Variants in TMEM135 observed in about 807,000 individuals in gnomAD.
The protein encoded by TMEM135 is transmembrane protein 135.
In TMEM135, 30 loss-of-function variants were observed where a neutral mutation model predicts 60.3. The observed-to-expected ratio is 0.50, with a 90% CI of 0.37 to 0.68. The LOEUF is 0.68. Ranked by LOEUF, TMEM135 falls within the 30% of genes least tolerant of loss-of-function variation. The pLI is 0.00. For missense variants in TMEM135, 468 were observed against 548.8 expected (o/e 0.85, Z 1.47); for synonymous variants, 190 against 186.7 (o/e 1.02, Z -0.14).
chr11:87,228,492 T>C (rs1940815173), intron 5 of TMEM135, among the ~76,000 whole-genome samples: 1 of 152,124 alleles, frequency 6.6e-6, no homozygotes, highest in African/African-American at 2.4e-5. Context: ...ATTGCTCTTC[T>C]TGAGAAGAGC....
intron 6 of TMEM135, among the ~76,000 whole-genome samples, chr11:87,287,489 C>T (rs563666577): frequency 3.3e-5 from 5 of 152,156 alleles, no homozygotes; most frequent in Admixed American, 2.6e-4. Flanking sequence ...CCATCCTGGT[C>T]AACATGGTGA....
chr11:87,110,826 T>A (rs1001152892), intron 4 of TMEM135, among the ~76,000 whole-genome samples: 1 of 152,078 alleles, frequency 6.6e-6, no homozygotes, highest in African/African-American at 2.4e-5. Flanking sequence ...AATAAAAAAT[T>A]GCATACTTTT....
At chr11:87,257,429 C>T (rs1941548740) in intron 6 of TMEM135, among the ~76,000 whole-genome samples, 2 of 149,450 alleles carry the variant, frequency 1.3e-5, no homozygotes, top group African/African-American at 4.9e-5. Context: ...TGGGGTTCAG[C>T]TGTGTTGGTT....
At chr11:87,120,978 G>A (rs1394908523) in intron 4 of TMEM135, 2 of 152,166 alleles carry the variant, frequency 1.3e-5, no homozygotes, top group Non-Finnish European at 1.5e-5. Flanking sequence ...GATGAATTGA[G>A]AAGCTCAAGG....
At chr11:87,064,990 A>T (rs941594960) in intron 1 of TMEM135, among the ~76,000 whole-genome samples, 2 of 152,118 alleles carry the variant, frequency 1.3e-5, no homozygotes, top group Admixed American at 6.5e-5. Context: ...TTCTGTGGAA[A>T]TTCATCAAGG....
chr11:87,081,742 G>C (rs1005009540), intron 3 of TMEM135, among the ~76,000 whole-genome samples: 1 of 150,878 alleles, frequency 6.6e-6, no homozygotes, highest in Non-Finnish European at 1.5e-5. Flanking sequence ...TTTTGCACTA[G>C]TGTTTCATTC....
At position 87,126,409 on chromosome 11, in the gene TMEM135, A is replaced by G. The variant is rs866092798; in HGVS notation, c.397-30932A>G. On this transcript the variant is annotated intron_variant, in intron 4 of 14. Coordinates refer to ENST00000305494, the MANE Select transcript of TMEM135 (RefSeq NM_022918.4). ...ATCAAATATTTTATAATTTCATTAA[A>G]CATTTACTAATAATTATTCATCCTT... Among the ~76,000 whole-genome samples, 34 of 151,940 alleles carry G rather than the reference A, an allele frequency of 2.2e-4. 1 individual carries two copies. Among genetic ancestry groups the G allele is most frequent in the African/African-American group, 7.5e-4 (31 of 41,404 alleles).
chr11:87,287,352 G>A (rs10898660), intron 6 of TMEM135, among the ~76,000 whole-genome samples: 78,853 of 152,072 alleles, frequency 0.52, 20,624 homozygotes, highest in African/African-American at 0.55. Flanking sequence ...GTAAAAGAAG[G>A]ACTCTGAAGT....
chr11:87,308,082 T>C (rs1565166033), intron 9 of TMEM135, among the ~76,000 whole-genome samples: 1 of 152,216 alleles, frequency 6.6e-6, no homozygotes, highest in Non-Finnish European at 1.5e-5. Flanking sequence ...TAACATTTAT[T>C]ATAATCTTTT....
chr11:87,157,447 A>T (rs1565465391), intron 5 of TMEM135, 41 bp downstream of exon 5: 1 of 1,548,320 alleles, frequency 6.5e-7, no homozygotes, highest in South Asian at 1.1e-5. Context: ...TTGTTAATTT[A>T]TAGTTTGCGA....
chr11:87,114,287 T>G (rs1308405435), intron 4 of TMEM135, among the ~76,000 whole-genome samples: 1 of 152,136 alleles, frequency 6.6e-6, no homozygotes, highest in African/African-American at 2.4e-5. Flanking sequence ...CAGCACATCT[T>G]GCAAGGCATT....
chr11:87,133,359 C>T (rs1937992232), intron 4 of TMEM135, among the ~76,000 whole-genome samples: 1 of 152,120 alleles, frequency 6.6e-6, no homozygotes, highest in Non-Finnish European at 1.5e-5. Context: ...CCTAAAACAT[C>T]ATCCCCAAAA....
At chr11:87,245,179 C>G (rs1270730368) in intron 6 of TMEM135, among the ~76,000 whole-genome samples, 3 of 150,752 alleles carry the variant, frequency 2.0e-5, no homozygotes, top group Non-Finnish European at 4.4e-5. Context: ...GTTTCTTAAT[C>G]CTGAGTTCTA....
At chr11:87,064,262 C>CT (rs57086268) in intron 1 of TMEM135, among the ~76,000 whole-genome samples, 43,728 of 142,924 alleles carry the variant, frequency 0.31, 7,485 homozygotes, top group East Asian at 0.59. Context: ...CGAATGACTC[C>CT]TTTTTTTTTT....
chr11:87,092,841 ATC>A (rs1216801112), intron 4 of TMEM135, among the ~76,000 whole-genome samples: 2 of 44,310 alleles, frequency 4.5e-5, no homozygotes, highest in South Asian at 6.4e-4. Flanking sequence ...TTTTTAGGTA[ATC>A]TCTCTTTTTT....
chr11:87,059,901 G>A (rs779975214), intron 1 of TMEM135, among the ~76,000 whole-genome samples: 5 of 152,302 alleles, frequency 3.3e-5, no homozygotes, highest in Non-Finnish European at 7.3e-5. Context: ...AGATCACGAG[G>A]TCAGGAGTTC....
rs76335495 is a variant in TMEM135, at chr11:87,054,994, A to T, written c.142-12700A>T. Among the ~76,000 whole-genome samples, 413 of 152,290 alleles carry T rather than the reference A, an allele frequency of 2.7e-3. 2 individuals carry two copies. The highest frequency in any genetic ancestry group is 9.7e-3 in the African/African-American group (404 of 41,560). ...CAAATATTACATGTTACCTACAATG[A>T]GTAAGAAATACTGGAGTGAGGGGAA... On this transcript the variant is annotated intron_variant, in intron 1 of 14. Coordinates refer to ENST00000305494, the MANE Select transcript of TMEM135 (RefSeq NM_022918.4).
chr11:87,248,819 G>T (rs1047804686), intron 6 of TMEM135, among the ~76,000 whole-genome samples: 1 of 152,128 alleles, frequency 6.6e-6, no homozygotes, highest in East Asian at 1.9e-4. Context: ...TCATTGTAGA[G>T]ATCTTCCATT....
intron 6 of TMEM135, among the ~76,000 whole-genome samples, chr11:87,239,012 A>G (rs1490751433): frequency 3.3e-5 from 5 of 152,054 alleles, no homozygotes; most frequent in Admixed American, 3.3e-4. Context: ...ATACACCAAT[A>G]AAGACCCAAT....
Sources: allele counts gnomAD v4.1 joint callset (sites outside exome capture counted in the v4.1 genomes callset), GRCh38; gene constraint gnomAD v4.1.1; transcripts MANE v1.5; gene names NCBI Gene and HGNC (gene_info 2026-07-23, HGNC 2026-07-21).